SGPP2: variants seen among roughly 807,000 people sequenced by gnomAD.
SGPP2 encodes sphingosine-1-phosphate phosphatase 2, also known as sphingosine 1-phosphate phosphohydrolase 2.
Under a neutral mutation model 33.9 loss-of-function variants are expected in SGPP2, and 30 were observed. The ratio of observed to expected loss-of-function variants is 0.89; its 90% CI spans 0.66 to 1.20. The LOEUF (loss-of-function observed/expected upper bound fraction) is 1.20, where lower values mean the gene tolerates loss of function less well. Ranked by LOEUF, SGPP2 falls within the 50% of genes most tolerant of loss-of-function variation. SGPP2 has a pLI of 0.00. For missense variants in SGPP2, 458 were observed against 532.1 expected (o/e 0.86, Z 1.37); for synonymous variants, 233 against 225.0 (o/e 1.04, Z -0.32).
In SGPP2 at chr2:222,477,175, A is replaced by T. The variant is rs533682906; in HGVS notation, c.378+2449A>T. Among the ~76,000 whole-genome samples, 1 of 147,946 alleles carries T rather than the reference A, an allele frequency of 6.8e-6. No individual in the cohort carries two copies. Among genetic ancestry groups the T allele is most frequent in the Non-Finnish European group, 1.5e-5 (1 of 66,510 alleles). ...TCTGTGTGTGTGTATAGGTGTGTGT[A>T]TATGTGTATGTGTGTATATATGTGT... On this transcript the variant is annotated intron_variant, in intron 2 of 4. Coordinates refer to ENST00000321276, the MANE Select transcript of SGPP2 (RefSeq NM_152386.4). The surrounding 1 kb of genome is among the most constrained non-coding windows in gnomAD (Gnocchi z 6.0).
At chr2:222,470,994 A>G (rs1476917364) in intron 1 of SGPP2, among the ~76,000 whole-genome samples, 1 of 152,214 alleles carries the variant, frequency 6.6e-6, no homozygotes, top group Non-Finnish European at 1.5e-5. Context: ...AAATGCAACC[A>G]TGGTATCTTA....
At chr2:222,558,265 T>C in intron 4 of SGPP2, 82 bp from the exon 5 acceptor site, 3 of 1,393,818 alleles carry the variant, frequency 2.2e-6, no homozygotes, top group Non-Finnish European at 3.0e-6. Context: ...AAATATCAAA[T>C]TAGCCATACT....
chr2:222,437,887 T>A (rs996868528), intron 1 of SGPP2, among the ~76,000 whole-genome samples: 1 of 152,186 alleles, frequency 6.6e-6, no homozygotes, highest in Non-Finnish European at 1.5e-5. Flanking sequence ...GAGTCACCTA[T>A]GGGGTCCTAC....
At position 222,558,563 on chromosome 2, in the gene SGPP2, A is replaced by G. The variant is rs759054427; in HGVS notation, c.865A>G (p.Ile289Val). Residue 289 changes from isoleucine (I) to valine (V), a missense_variant, in exon 5 of 5, where the codon ATA becomes GTA. Physicochemically the swap from Ile to Val is conservative, Grantham distance 29. Transcript: ENST00000321276. ...TILAAGAGVT[I>V]GFWINHFFQL... ...TCTGGCTGCCGGGGCTGGAGTGACC[A>G]TAGGATTCTGGATCAACCATTTCTT... The G allele has an allele frequency of 9.3e-6, 15 of 1,614,070 alleles. No individual in the cohort carries two copies. The highest frequency in any genetic ancestry group is 1.6e-4 in the Middle Eastern group (1 of 6,084).
chr2:222,532,061 T>C (rs1698846780), intron 4 of SGPP2, among the ~76,000 whole-genome samples: 1 of 151,758 alleles, frequency 6.6e-6, no homozygotes, highest in Admixed American at 6.6e-5. Flanking sequence ...TCACCTGAGG[T>C]CAGGAGTTCG....
intron 1 of SGPP2, among the ~76,000 whole-genome samples, chr2:222,455,217 TAA>T (rs5838951): frequency 6.5e-4 from 96 of 146,970 alleles, no homozygotes; most frequent in Middle Eastern, 7.0e-3. Flanking sequence ...CCAATCTCTT[TAA>T]AAAAAAAAAA....
In SGPP2 at chr2:222,450,504, A is replaced by G. The variant is rs185273697; in HGVS notation, c.220-24064A>G. Among the ~76,000 whole-genome samples the G allele has an allele frequency of 9.8e-5, 15 of 152,342 alleles. No homozygotes were observed. The East Asian group carries it at 2.9e-3, about 29-fold the overall frequency. Reference sequence around the variant, plus strand: ...AGAAATCAACTGGACATAGCTGAGGATGAAACAATTGTTACCCTCAGGTAG... The same window carrying G: ...AGAAATCAACTGGACATAGCTGAGGGTGAAACAATTGTTACCCTCAGGTAG... On this transcript the variant is annotated intron_variant, in intron 1 of 4. Coordinates refer to ENST00000321276, the MANE Select transcript of SGPP2 (RefSeq NM_152386.4).
chr2:222,463,477 C>T (rs1697696518), intron 1 of SGPP2, among the ~76,000 whole-genome samples: 1 of 152,152 alleles, frequency 6.6e-6, no homozygotes, highest in Non-Finnish European at 1.5e-5. Context: ...CATGGTGCCA[C>T]AGAAGGGTCT....
chr2:222,432,514 A>C (rs935012191), intron 1 of SGPP2, among the ~76,000 whole-genome samples: 3 of 152,192 alleles, frequency 2.0e-5, no homozygotes, highest in African/African-American at 2.4e-5. Flanking sequence ...TGGCATGGGG[A>C]CGTCATCCAA....
At chr2:222,542,787 C>G (rs528145497) in intron 4 of SGPP2, among the ~76,000 whole-genome samples, 5 of 151,132 alleles carry the variant, frequency 3.3e-5, no homozygotes, top group African/African-American at 7.3e-5. Context: ...TGATCAGATA[C>G]ATGTATTCCA....
At chr2:222,447,987 T>C (rs1697422190) in intron 1 of SGPP2, among the ~76,000 whole-genome samples, 2 of 152,186 alleles carry the variant, frequency 1.3e-5, no homozygotes, top group South Asian at 4.1e-4. Flanking sequence ...ACGAAGCAAT[T>C]TCTCTTGTCA....
chr2:222,498,578 AT>A (rs1188688818), intron 2 of SGPP2, among the ~76,000 whole-genome samples: 2 of 151,282 alleles, frequency 1.3e-5, no homozygotes, highest in South Asian at 2.1e-4. Flanking sequence ...GAATGAATGA[AT>A]TTTTTTTTCA....
chr2:222,499,258 G>C (rs1189007473), intron 2 of SGPP2, among the ~76,000 whole-genome samples: 1 of 152,204 alleles, frequency 6.6e-6, no homozygotes, highest in Admixed American at 6.5e-5. Context: ...AAGGGTCATG[G>C]GGAGGTTATG....
At chr2:222,542,722 C>T (rs1699016195) in intron 4 of SGPP2, among the ~76,000 whole-genome samples, 2 of 151,832 alleles carry the variant, frequency 1.3e-5, no homozygotes, top group Non-Finnish European at 2.9e-5. Flanking sequence ...TGTCTTTTAC[C>T]TATTTTTTTT....
At chr2:222,533,049 A>G (rs1698861721) in intron 4 of SGPP2, among the ~76,000 whole-genome samples, 1 of 152,210 alleles carries the variant, frequency 6.6e-6, no homozygotes, top group Admixed American at 6.5e-5. Context: ...ATAATTTATG[A>G]AAACAGTTTT....
At chr2:222,500,445 G>A (rs550196119) in intron 2 of SGPP2, among the ~76,000 whole-genome samples, 39 of 152,300 alleles carry the variant, frequency 2.6e-4, no homozygotes, top group African/African-American at 8.9e-4. Flanking sequence ...AGAAGATAGT[G>A]CACTCATTCT....
chr2:222,446,692 G>T (rs1483812691), intron 1 of SGPP2, among the ~76,000 whole-genome samples: 1 of 151,978 alleles, frequency 6.6e-6, no homozygotes, highest in Non-Finnish European at 1.5e-5. Context: ...TCCATTTTTG[G>T]CTAAACAGTG....
intron 1 of SGPP2, among the ~76,000 whole-genome samples, chr2:222,450,639 C>T (rs2106075160): frequency 6.6e-6 from 1 of 152,166 alleles, no homozygotes; most frequent in Admixed American, 6.6e-5. Context: ...TTCTGTTAAA[C>T]AAAAACGTGC....
chr2:222,499,073 C>G (rs1698327193), intron 2 of SGPP2, among the ~76,000 whole-genome samples: 1 of 152,250 alleles, frequency 6.6e-6, no homozygotes, highest in Admixed American at 6.5e-5. Flanking sequence ...AACATGTCCT[C>G]TAATTCAAAT....
Sources: allele counts gnomAD v4.1 joint callset (sites outside exome capture counted in the v4.1 genomes callset), GRCh38; gene constraint gnomAD v4.1.1; non-coding constraint Gnocchi (gnomAD v3.1); transcripts MANE v1.5; gene names NCBI Gene and HGNC (gene_info 2026-07-23, HGNC 2026-07-21).